The following KCNH5 variants were observed in gnomAD, a reference collection of about 807,000 sequenced individuals.
KCNH5 encodes potassium voltage-gated channel subfamily H member 5.
In KCNH5, 46 loss-of-function variants were observed where a neutral mutation model predicts 96.1. The observed-to-expected ratio is 0.48, with a 90% confidence interval of 0.38 to 0.61. The LOEUF is 0.61. Among genes scored for constraint, KCNH5 ranks in the 20% least tolerant of loss-of-function variants. The probability of loss-of-function intolerance (pLI) is 0.00; values close to 1 mark genes in which losing one functional copy is unlikely to be tolerated. For missense variants in KCNH5, 907 were observed against 1,225.8 expected (o/e 0.74, Z 3.88); for synonymous variants, 439 against 449.8 (o/e 0.98, Z 0.30).
intron 7 of KCNH5, among the ~76,000 whole-genome samples, chr14:62,869,513 C>T (rs1308182453): frequency 2.0e-5 from 3 of 152,024 alleles, no homozygotes; most frequent in South Asian, 2.1e-4. Flanking sequence ...GTTTCTTTTG[C>T]CGTGCAGAAG....
intron 10 of KCNH5, among the ~76,000 whole-genome samples, chr14:62,741,652 G>A (rs1885273549): frequency 6.6e-6 from 1 of 151,978 alleles, no homozygotes; most frequent in South Asian, 2.1e-4. Context: ...GCCACAGAGA[G>A]AGAAAGAGTG....
chr14:62,791,725 C>A (rs190027403), intron 9 of KCNH5, among the ~76,000 whole-genome samples: 2 of 151,620 alleles, frequency 1.3e-5, no homozygotes, highest in African/African-American at 4.8e-5. Flanking sequence ...AAGTATATAA[C>A]AACTGTAAAT....
At chr14:62,846,549 T>C (rs1229238017) in intron 8 of KCNH5, among the ~76,000 whole-genome samples, 2 of 151,796 alleles carry the variant, frequency 1.3e-5, no homozygotes, top group Non-Finnish European at 2.9e-5. Context: ...CTGATATTTA[T>C]GTTAGGTCAT....
chr14:62,876,585 G>A (rs1355864215), intron 7 of KCNH5, among the ~76,000 whole-genome samples: 4 of 152,118 alleles, frequency 2.6e-5, no homozygotes, highest in Non-Finnish European at 5.9e-5. Flanking sequence ...TAGAAAAACT[G>A]ACATTTTTAA....
chr14:63,015,937 A>G (rs555099034), intron 2 of KCNH5, among the ~76,000 whole-genome samples: 1 of 151,620 alleles, frequency 6.6e-6, no homozygotes, highest in East Asian at 1.9e-4. Flanking sequence ...ACATATATAT[A>G]TGTATATATA....
chr14:62,984,918 C>T (rs1385572540), intron 5 of KCNH5, among the ~76,000 whole-genome samples: 1 of 152,076 alleles, frequency 6.6e-6, no homozygotes, highest in Non-Finnish European at 1.5e-5. Flanking sequence ...TCTCTATGGC[C>T]CCCTTTCACT....
intron 7 of KCNH5, among the ~76,000 whole-genome samples, chr14:62,894,609 T>A (rs939196401): frequency 1.3e-5 from 2 of 152,218 alleles, no homozygotes; most frequent in Non-Finnish European, 2.9e-5. Flanking sequence ...ACCTGGAAGC[T>A]GAGGTCAGTT....
At chr14:62,979,296 A>T (rs1417425110) in intron 6 of KCNH5, among the ~76,000 whole-genome samples, 2 of 152,202 alleles carry the variant, frequency 1.3e-5, no homozygotes, top group African/African-American at 4.8e-5. Flanking sequence ...AATTTGAAAA[A>T]AAAAATCTTT....
At chr14:62,891,419 G>A (rs972353790) in intron 7 of KCNH5, among the ~76,000 whole-genome samples, 3 of 152,162 alleles carry the variant, frequency 2.0e-5, no homozygotes, top group Admixed American at 6.6e-5. Flanking sequence ...GTGGAAGTGG[G>A]AGGAGGGAGA....
intron 8 of KCNH5, among the ~76,000 whole-genome samples, chr14:62,808,672 GTATATGTTCCAAAGT>G (rs1173128721): frequency 6.6e-6 from 1 of 152,006 alleles, no homozygotes; most frequent in Non-Finnish European, 1.5e-5. Flanking sequence ...TATGTTACTG[GTATATGTTCCAAAGT>G]TATGGGAAAC....
chr14:62,974,426 C>T (rs1418508401), intron 6 of KCNH5, among the ~76,000 whole-genome samples: 2 of 152,164 alleles, frequency 1.3e-5, no homozygotes, highest in Non-Finnish European at 2.9e-5. Context: ...AAGCTCAATC[C>T]TATTCTTTGG....
intron 8 of KCNH5, among the ~76,000 whole-genome samples, chr14:62,810,604 C>T (rs1251329044): frequency 6.6e-6 from 1 of 152,050 alleles, no homozygotes; most frequent in Non-Finnish European, 1.5e-5. Context: ...CAAGAGTGAC[C>T]TCTGATCATC....
At chr14:62,784,854 G>A (rs748076274) in intron 9 of KCNH5, among the ~76,000 whole-genome samples, 37 of 151,848 alleles carry the variant, frequency 2.4e-4, no homozygotes, top group South Asian at 4.2e-4. Context: ...TATGTTTTTC[G>A]TATCATGGGG....
intron 7 of KCNH5, among the ~76,000 whole-genome samples, chr14:62,891,401 A>G (rs2140085415): frequency 6.6e-6 from 1 of 152,326 alleles, no homozygotes; most frequent in Middle Eastern, 3.4e-3. Context: ...ACTGGGGTCT[A>G]CTTGAGGGTG....
intron 10 of KCNH5, among the ~76,000 whole-genome samples, chr14:62,779,296 T>G (rs1222430795): frequency 6.6e-6 from 1 of 152,164 alleles, no homozygotes; most frequent in African/African-American, 2.4e-5. Context: ...GTAAACTTTG[T>G]GAATTGATTA....
At chr14:62,798,385 A>G (rs1371595124) in intron 9 of KCNH5, among the ~76,000 whole-genome samples, 3 of 152,206 alleles carry the variant, frequency 2.0e-5, no homozygotes, top group African/African-American at 4.8e-5. Context: ...AAGGCACAAT[A>G]TACTTGTCAA....
intron 7 of KCNH5, among the ~76,000 whole-genome samples, chr14:62,936,554 A>G (rs1159642536): frequency 6.6e-6 from 1 of 151,860 alleles, no homozygotes; most frequent in Non-Finnish European, 1.5e-5. Flanking sequence ...GCATGCCTGT[A>G]GTCCCAGCTA....
chr14:62,750,139 C>T (rs1307259247), intron 10 of KCNH5, among the ~76,000 whole-genome samples: 3 of 152,194 alleles, frequency 2.0e-5, no homozygotes, highest in African/African-American at 7.2e-5. Flanking sequence ...CTGTGCTGAA[C>T]AGGCCTTACT....
intron 7 of KCNH5, among the ~76,000 whole-genome samples, chr14:62,929,256 T>C (rs137904264): frequency 1.3e-5 from 2 of 152,160 alleles, no homozygotes; most frequent in East Asian, 1.9e-4. Flanking sequence ...TTTCAAAACA[T>C]AACCAGAGTC....
Sources: gnomAD v4.1 joint callset for allele counts (sites outside exome capture counted in the v4.1 genomes callset) on GRCh38, gnomAD v4.1.1 for gene constraint, MANE v1.5 for transcripts, NCBI Gene and HGNC (gene_info 2026-07-23, HGNC 2026-07-21) for gene names.